SHISA9: variants seen among roughly 807,000 people sequenced by gnomAD.
SHISA9 encodes shisa family member 9.
In SHISA9, 13 loss-of-function variants were observed where a neutral mutation model predicts 38.0. The observed-to-expected ratio is 0.34, with a 90% confidence interval of 0.22 to 0.54. The LOEUF is 0.54. Among genes scored for constraint, SHISA9 ranks in the 20% least tolerant of loss-of-function variants. The probability of loss-of-function intolerance (pLI) is 0.91; values close to 1 mark genes in which losing one functional copy is unlikely to be tolerated. For missense variants in SHISA9, 538 were observed against 575.8 expected (o/e 0.93, Z 0.67); for synonymous variants, 275 against 242.0 (o/e 1.14, Z -1.27).
At chr16:13,069,944 C>T (rs1219828761) in intron 2 of SHISA9, among the ~76,000 whole-genome samples, 1 of 152,160 alleles carries the variant, frequency 6.6e-6, no homozygotes, top group Non-Finnish European at 1.5e-5. Context: ...TCTTGGTCTT[C>T]CCGGCCTGCA....
the SHISA9 span, among the ~76,000 whole-genome samples, chr16:13,361,355 T>C: frequency 6.6e-6 from 1 of 152,242 alleles, no homozygotes; most frequent in African/African-American, 2.4e-5. Flanking sequence ...GCCGGAAACC[T>C]GGATGCATCC....
chr16:13,202,462 GTCT>G (rs2051015157), intron 2 of SHISA9, among the ~76,000 whole-genome samples: 1 of 134,514 alleles, frequency 7.4e-6, no homozygotes, highest in South Asian at 2.3e-4. Context: ...TAGTTTGTTT[GTCT>G]TTACATTTGT....
At chr16:13,089,856 T>C (rs1039777453) in intron 2 of SHISA9, among the ~76,000 whole-genome samples, 2 of 152,228 alleles carry the variant, frequency 1.3e-5, no homozygotes, top group Non-Finnish European at 2.9e-5. Context: ...TTTAAATTTG[T>C]TTGCTCTTGC....
intron 2 of SHISA9, among the ~76,000 whole-genome samples, chr16:13,034,400 A>G (rs2073028699): frequency 6.6e-6 from 1 of 152,182 alleles, no homozygotes; most frequent in African/African-American, 2.4e-5. Flanking sequence ...CTCACACCTT[A>G]TGAAAGTCAG....
intron 2 of SHISA9, among the ~76,000 whole-genome samples, chr16:13,018,588 G>A (rs567104826): frequency 1.2e-4 from 19 of 152,296 alleles, no homozygotes; most frequent in African/African-American, 4.6e-4. Flanking sequence ...TCCCAGGCAG[G>A]GGGTGTGGAG....
the SHISA9 span, among the ~76,000 whole-genome samples, chr16:13,312,324 C>A: frequency 1.3e-5 from 2 of 152,184 alleles, no homozygotes; most frequent in South Asian, 4.1e-4. Flanking sequence ...TTGTTAACTG[C>A]TCCTGTAACC....
chr16:12,902,459 G>A lies in SHISA9; in HGVS notation c.395G>A (p.Gly132Asp). 1 of 1,551,344 alleles carries A rather than the reference G, an allele frequency of 6.4e-7. No individual in the cohort carries two copies. Among genetic ancestry groups the A allele is most frequent in the Non-Finnish European group, 8.7e-7 (1 of 1,146,982 alleles). ...NYDTPLWLNT[G>D]KPPARKDDPL... ...GACACGCCGCTCTGGCTCAACACCG[G>A]CAAGCCCCCCGCCCGCAAGGACGAC... Residue 132 changes from glycine to aspartate, a missense_variant, in exon 1 of 5, where the codon GGC (glycine) becomes GAC (aspartate). Gly to Asp is a moderately conservative substitution (Grantham distance 94). Around this residue, in one of 4 missense-constraint regions of SHISA9, gnomAD observed 88 missense variants for 109.7 expected, o/e 0.80. Transcript: ENST00000558583.
intron 2 of SHISA9, among the ~76,000 whole-genome samples, chr16:13,009,456 C>T (rs1234331019): frequency 6.6e-6 from 1 of 152,150 alleles, no homozygotes; most frequent in African/African-American, 2.4e-5. Flanking sequence ...GGTCTCCGTT[C>T]TGGAACTATA....
At chr16:13,527,619 G>A in the SHISA9 span, among the ~76,000 whole-genome samples, 1 of 152,138 alleles carries the variant, frequency 6.6e-6, no homozygotes, top group Non-Finnish European at 1.5e-5. Flanking sequence ...GAAGAATGAA[G>A]CAAACACACT....
chr16:13,140,191 T>C (rs1473099833), intron 2 of SHISA9, among the ~76,000 whole-genome samples: 2 of 126,756 alleles, frequency 1.6e-5, no homozygotes, highest in African/African-American at 3.0e-5. Context: ...CTTCCCTTTC[T>C]TTTTAGACAG....
chr16:13,168,062 C>A (rs2050653131), intron 2 of SHISA9, among the ~76,000 whole-genome samples: 2 of 152,108 alleles, frequency 1.3e-5, no homozygotes, highest in African/African-American at 4.8e-5. Flanking sequence ...CCTTGCTGAC[C>A]CTGGAGGGAC....
chr16:13,234,661 C>T (rs1023374677), intron 4 of SHISA9, among the ~76,000 whole-genome samples: 1 of 152,182 alleles, frequency 6.6e-6, no homozygotes, highest in Non-Finnish European at 1.5e-5. Flanking sequence ...AACATGTTCA[C>T]TCTTTTCTCT....
chr16:13,241,894 G>C (rs1462357043), downstream of SHISA9, among the ~76,000 whole-genome samples: 1 of 152,122 alleles, frequency 6.6e-6, no homozygotes, highest in Non-Finnish European at 1.5e-5. Context: ...TTGGTGGCTG[G>C]AGTCACTCAC....
At chr16:13,398,445 C>G in the SHISA9 span, among the ~76,000 whole-genome samples, 1 of 151,508 alleles carries the variant, frequency 6.6e-6, no homozygotes, top group Non-Finnish European at 1.5e-5. Context: ...TTTACTTATT[C>G]GTCTTCCACT....
At chr16:13,208,846 G>A (rs1347795520) in intron 3 of SHISA9, among the ~76,000 whole-genome samples, 1 of 152,192 alleles carries the variant, frequency 6.6e-6, no homozygotes, top group Non-Finnish European at 1.5e-5. Context: ...AGCACCTAGT[G>A]TCATGTGGGG....
the SHISA9 span, among the ~76,000 whole-genome samples, chr16:13,292,645 A>C: frequency 1.3e-5 from 2 of 152,156 alleles, no homozygotes; most frequent in Non-Finnish European, 2.9e-5. Context: ...TTCCTATCAA[A>C]TACAATCAAC....
At chr16:13,279,301 A>G in the SHISA9 span, among the ~76,000 whole-genome samples, 2 of 151,826 alleles carry the variant, frequency 1.3e-5, no homozygotes, top group African/African-American at 4.8e-5. Flanking sequence ...GGCTTGTTTT[A>G]TGGCTTATCA....
chr16:13,546,524 G>A, the SHISA9 span, among the ~76,000 whole-genome samples: 125,260 of 152,166 alleles, frequency 0.82, 51,773 homozygotes, highest in East Asian at 0.99. Flanking sequence ...CCTATCAATA[G>A]TAACATTAAA....
intron 2 of SHISA9, among the ~76,000 whole-genome samples, chr16:13,111,001 C>T (rs1326974095): frequency 6.6e-6 from 1 of 152,134 alleles, no homozygotes; most frequent in Non-Finnish European, 1.5e-5. Flanking sequence ...ATGCAGAAAA[C>T]TGAAACTGGA....
Sources: gnomAD v4.1 joint callset for allele counts (sites outside exome capture counted in the v4.1 genomes callset) on GRCh38, gnomAD v4.1.1 for gene constraint, gnomAD v4.1.1 regional missense constraint, MANE v1.5 for transcripts, NCBI Gene and HGNC (gene_info 2026-07-23, HGNC 2026-07-21) for gene names.